RB1CC1: variants seen among roughly 807,000 people sequenced by gnomAD.
RB1CC1 encodes RB1 inducible coiled-coil 1, also known as RB1-inducible coiled-coil protein 1.
RB1CC1 carries 46 observed loss-of-function variants against 177.5 expected under a neutral mutation model. The ratio of observed to expected loss-of-function variants is 0.26; its 90% CI spans 0.20 to 0.33. The LOEUF (loss-of-function observed/expected upper bound fraction) is 0.33, where lower values mean the gene tolerates loss of function less well. Among genes scored for constraint, RB1CC1 ranks in the 10% least tolerant of loss-of-function variants. The pLI is 1.00. For missense variants in RB1CC1, 1,703 were observed against 1,816.3 expected (o/e 0.94, Z 1.13); for synonymous variants, 666 against 613.6 (o/e 1.09, Z -1.26).
intron 1 of RB1CC1, among the ~76,000 whole-genome samples, chr8:52,708,433 C>T (rs756270308): frequency 2.6e-5 from 4 of 152,142 alleles, no homozygotes; most frequent in South Asian, 2.1e-4. Context: ...GGGAGAATGG[C>T]GTGAACCCAG....
chr8:52,714,140 C>A lies in RB1CC1; in HGVS notation c.-232G>T. On this transcript the variant is annotated 5_prime_UTR_variant, in exon 1 of 24. Coordinates refer to ENST00000025008, the MANE Select transcript of RB1CC1 (RefSeq NM_014781.5). ...CAGCGACCCCCGGCACCATCTTCCGCCGCCGCCTAGTCCTCGGCAGCGGTT... is the reference window on the plus strand; with the variant it reads ...CAGCGACCCCCGGCACCATCTTCCGACGCCGCCTAGTCCTCGGCAGCGGTT... The A allele has an allele frequency of 3.3e-6, 1 of 303,652 alleles. No homozygotes were observed. The highest frequency in any genetic ancestry group is 6.8e-6 in the Non-Finnish European group (1 of 146,368). The allele number at this position is 303,652 out of a possible 1,614,324, so 18.8% of individuals were successfully genotyped here.
rs1311841339 is a variant in RB1CC1 at position 52,686,939 on chromosome 8, G to A, written c.-138C>T. ...TTTGCTTTGCTTGAGATTGGCAACTGAATGGCATTACTGGTTAAACTCAGA... is the reference window on the plus strand; with the variant it reads ...TTTGCTTTGCTTGAGATTGGCAACTAAATGGCATTACTGGTTAAACTCAGA... On this transcript the variant is annotated 5_prime_UTR_variant, in exon 2 of 24. It introduces an in-frame stop codon into an upstream open reading frame of the 5' UTR. Coordinates refer to ENST00000025008, the MANE Select transcript of RB1CC1 (RefSeq NM_014781.5). The A allele has an allele frequency of 6.6e-6, 3 of 456,490 alleles. No homozygotes were observed. Among genetic ancestry groups the A allele is most frequent in the Admixed American group, 2.4e-5 (1 of 42,534 alleles). The allele number at this position is 456,490 out of a possible 1,614,324, so 28.3% of individuals were successfully genotyped here.
chr8:52,648,065 G>A (rs1015824438), intron 15 of RB1CC1, among the ~76,000 whole-genome samples: 5 of 152,064 alleles, frequency 3.3e-5, no homozygotes, highest in African/African-American at 9.7e-5. Flanking sequence ...GCTGTGCTGA[G>A]ATAATACAGG....
Position 52,656,065 on chromosome 8 carries a change from ACTT to A in RB1CC1, c.3761_3763del (p.Glu1254del). ...TTTTTCTAATAACTCTTTCTCAACA[ACTT>A]CTCTCTCCAATTTAAATTCTTTTAG... On this transcript the variant is annotated inframe_deletion, in exon 15 of 24. Coordinates refer to ENST00000025008, the MANE Select transcript of RB1CC1 (RefSeq NM_014781.5). The A allele has an allele frequency of 1.2e-6, 2 of 1,612,946 alleles. No individual in the cohort carries two copies. Among genetic ancestry groups the A allele is most frequent in the Non-Finnish European group, 1.7e-6 (2 of 1,179,644 alleles).
intron 1 of RB1CC1, among the ~76,000 whole-genome samples, chr8:52,694,964 A>C (rs576450967): frequency 6.6e-6 from 1 of 152,366 alleles, no homozygotes; most frequent in South Asian, 2.1e-4. Flanking sequence ...GATTACTATT[A>C]GCTTTTTAGT....
chr8:52,701,958 C>A (rs1313445023), intron 1 of RB1CC1, among the ~76,000 whole-genome samples: 1 of 152,082 alleles, frequency 6.6e-6, no homozygotes, highest in African/African-American at 2.4e-5. Flanking sequence ...CAGGCACCTG[C>A]CACCACGTCC....
chr8:52,699,830 A>AAAAATATAT (rs1554557119), intron 1 of RB1CC1, among the ~76,000 whole-genome samples: 9 of 26,716 alleles, frequency 3.4e-4, no homozygotes, highest in Non-Finnish European at 3.8e-4. Flanking sequence ...AAAAAAAAAA[A>AAAAATATAT]ATATATATAT....
chr8:52,629,925 C>T (rs188093565), intron 21 of RB1CC1, among the ~76,000 whole-genome samples: 115 of 152,246 alleles, frequency 7.6e-4, no homozygotes, highest in Middle Eastern at 3.4e-3. Flanking sequence ...TCCCCCTCAC[C>T]GTCATCCAAT....
Position 52,684,093 on chromosome 8 carries a change from C to T in RB1CC1, c.72-80G>A, listed in dbSNP as rs964421800. The T allele has an allele frequency of 2.7e-6, 4 of 1,461,802 alleles. No individual in the cohort carries two copies. The African/African-American group carries it at 5.7e-5, about 21-fold the overall frequency. 90.6% of individuals were successfully genotyped at this position (1,461,802 alleles called of 1,614,324 possible). On this transcript the variant is annotated intron_variant, in intron 3 of 23. Transcript: ENST00000025008. ...TTTTCCAAGTAGTACTATGTAAAAA[C>T]ACCTTAGAGGTTAATGAATTTCACT...
rs1301753620 is a variant in RB1CC1, at chr8:52,623,779, A to T, written c.*3T>A. On this transcript the variant is annotated 3_prime_UTR_variant, in exon 24 of 24. Transcript: ENST00000025008. ...CATAGAATGTATTAATTTTGTCCATAAGTTATACTTTCTTATTCCATGATA... is the reference window on the plus strand; with the variant it reads ...CATAGAATGTATTAATTTTGTCCATTAGTTATACTTTCTTATTCCATGATA... 1 of 1,583,492 alleles carries T rather than the reference A, an allele frequency of 6.3e-7. No individual in the cohort carries two copies. Among genetic ancestry groups the T allele is most frequent in the East Asian group, 2.2e-5 (1 of 44,684 alleles).
Position 52,660,942 on chromosome 8 carries a change from G to A in RB1CC1, c.1611C>T (p.Ser537=). ...LYEAEKSKRE[S]FGKLFRKSFL... ...AACACTTACTAAATAATTTCCCAAA[G>A]GATTCCCTTTTTGATTTTTCTGCTT... Residue 537 remains serine (S), a synonymous_variant, in exon 11 of 24, where the codon TCC becomes TCT. Transcript: ENST00000025008. The A allele has an allele frequency of 6.2e-7, 1 of 1,611,512 alleles. No homozygotes were observed. Among genetic ancestry groups the A allele is most frequent in the East Asian group, 2.2e-5 (1 of 44,742 alleles).
chr8:52,683,570 A>T lies in RB1CC1; in HGVS notation c.348T>A (p.Ala116=). ...LMMPAVFHTV[A]SRTQLALEMY... ...TTACCAATGCAAGCTGTGTCCTTGA[A>T]GCAACAGTATGAAAAACTGCAGGCA... The change falls in exon 5 of 24, where the codon GCT becomes GCA. Residue 116 remains alanine (A), a synonymous_variant. Transcript: ENST00000025008. The T allele has an allele frequency of 6.3e-7, 1 of 1,592,992 alleles. No homozygotes were observed. The highest frequency in any genetic ancestry group is 8.5e-7 in the Non-Finnish European group (1 of 1,172,782).
intron 1 of RB1CC1, among the ~76,000 whole-genome samples, chr8:52,701,780 A>G (rs1292266067): frequency 1.3e-5 from 2 of 151,302 alleles, no homozygotes; most frequent in African/African-American, 2.4e-5. Flanking sequence ...CTATACCACT[A>G]AAGTCTTCTT....
chr8:52,685,649 G>C, intron 2 of RB1CC1, 129 bp from the exon 3 acceptor site: 1 of 416,616 alleles, frequency 2.4e-6, no homozygotes, highest in Non-Finnish European at 4.2e-6. Context: ...TGATGTCTAG[G>C]ATGGCTAACT....
Position 52,673,912 on chromosome 8 carries a change from A to G in RB1CC1, c.935T>C (p.Ile312Thr). ...ATCATTAGGTCTATCTTGAACATTT[A>G]TCCAGTCTAACAAAGAGACATTAAA... ...PFFNVSLLDW[I>T]NVQDRPNDVE... The change falls in exon 7 of 24, where the codon ATA becomes ACA. Residue 312 changes from isoleucine (I) to threonine (T), a missense_variant. Around this residue, in one of 6 missense-constraint regions of RB1CC1, gnomAD observed 315 missense variants for 304.9 expected, o/e 1.03. Transcript: ENST00000025008. 1.2e-6 allele frequency: 2 copies of G among 1,614,160 alleles called. No homozygotes were observed. The highest frequency in any genetic ancestry group is 4.5e-5 in the East Asian group (2 of 44,860).
intron 16 of RB1CC1, 46 bp downstream of exon 16, chr8:52,645,656 T>C: frequency 6.4e-7 from 1 of 1,562,518 alleles, no homozygotes; most frequent in Non-Finnish European, 8.7e-7. Flanking sequence ...TTAATTTATG[T>C]CTACCTTCTT....
chr8:52,690,320 C>T (rs1046014213), intron 1 of RB1CC1, among the ~76,000 whole-genome samples: 1 of 152,162 alleles, frequency 6.6e-6, no homozygotes, highest in African/African-American at 2.4e-5. Context: ...ATTCATTCAT[C>T]CAAATCCAAA....
At position 52,656,414 on chromosome 8, in the gene RB1CC1, C is replaced by T. The variant is rs1450213153; in HGVS notation, c.3415G>A (p.Glu1139Lys). 9.9e-6 allele frequency: 16 copies of T among 1,610,684 alleles called. No homozygotes were observed. The highest frequency in any genetic ancestry group is 8.9e-5 in the East Asian group (4 of 44,832). The stretch of plus-strand genomic sequence containing the variant: ...TCTTCTTCATGTCTACTAATTAACT[C>T]GGAAATACACTGATCTTTTTCAATT... Reference protein sequence around the residue: ...MTIEKDQCISELISRHEEESN... With the variant: ...MTIEKDQCISKLISRHEEESN... Residue 1139 changes from glutamate to lysine, a missense_variant, in exon 15 of 24, where the codon GAG becomes AAG. Glu to Lys is a moderately conservative substitution (Grantham distance 56). Around this residue, in one of 6 missense-constraint regions of RB1CC1, gnomAD observed 1,169 missense variants for 1,184.7 expected, o/e 0.99. Coordinates refer to ENST00000025008, the MANE Select transcript of RB1CC1 (RefSeq NM_014781.5).
chr8:52,651,512 T>C (rs1000314303), intron 15 of RB1CC1, among the ~76,000 whole-genome samples: 5 of 152,334 alleles, frequency 3.3e-5, no homozygotes, highest in East Asian at 1.9e-4. Flanking sequence ...GAGTGATCCA[T>C]AGAAGCCTGG....
Sources: allele counts gnomAD v4.1 joint callset (sites outside exome capture counted in the v4.1 genomes callset), GRCh38; gene constraint gnomAD v4.1.1; regional missense constraint gnomAD v4.1.1; transcripts MANE v1.5; gene names NCBI Gene and HGNC (gene_info 2026-07-23, HGNC 2026-07-21).